The following CDH12 variants were observed in gnomAD, a reference collection of about 807,000 sequenced individuals.
CDH12 encodes cadherin 12, also known as cadherin-12.
CDH12 carries 41 observed loss-of-function variants against 74.1 expected under a neutral mutation model. The ratio of observed to expected loss-of-function variants is 0.55; its 90% CI spans 0.43 to 0.72. The LOEUF (loss-of-function observed/expected upper bound fraction) is 0.72, where lower values mean the gene tolerates loss of function less well. Among genes scored for constraint, CDH12 ranks in the 30% least tolerant of loss-of-function variants. The probability of loss-of-function intolerance (pLI) is 0.00; values close to 1 mark genes in which losing one functional copy is unlikely to be tolerated. For missense variants in CDH12, 945 were observed against 977.2 expected (o/e 0.97, Z 0.44); for synonymous variants, 399 against 355.0 (o/e 1.12, Z -1.39).
intron 1 of CDH12, among the ~76,000 whole-genome samples, chr5:22,531,592 TATAAC>T (rs1283465074): frequency 1.3e-5 from 2 of 152,172 alleles, no homozygotes; most frequent in Non-Finnish European, 1.5e-5. Flanking sequence ...TATTCTAATG[TATAAC>T]ATATTATGCA....
intron 5 of CDH12, among the ~76,000 whole-genome samples, chr5:22,025,231 G>A (rs1239558620): frequency 2.0e-5 from 3 of 151,934 alleles, no homozygotes; most frequent in South Asian, 2.1e-4. Context: ...GGACACAAGG[G>A]AGCTTACTTT....
Position 22,202,169 on chromosome 5 carries a change from C to CCTTCCTTCCTTCCTTCCTTCCTT in CDH12, c.-187+10328_-187+10329insAAGGAAGGAAGGAAGGAAGGAAG, listed in dbSNP as rs1561215450. Among the ~76,000 whole-genome samples the CCTTCCTTCCTTCCTTCCTTCCTT allele has an allele frequency of 3.2e-3, 265 of 82,148 alleles. 31 individuals are homozygous for CCTTCCTTCCTTCCTTCCTTCCTT. The highest frequency in any genetic ancestry group is 6.2e-3 in the Admixed American group (41 of 6,598). The allele number at this position is 82,148 out of a possible 152,430, so 53.9% of individuals were successfully genotyped here. ...TACTTTCCTTCCTTCCTTCCTTCCT[C>CCTTCCTTCCTTCCTTCCTTCCTT]CCTTCCTTCCTTCCTTCCTTCCTTC... On this transcript the variant is annotated intron_variant, in intron 4 of 14. Coordinates refer to ENST00000382254, the MANE Select transcript of CDH12 (RefSeq NM_004061.5).
chr5:21,836,309 G>T (rs1325564563), intron 8 of CDH12, among the ~76,000 whole-genome samples: 1 of 151,592 alleles, frequency 6.6e-6, no homozygotes, highest in East Asian at 1.9e-4. Context: ...CACGTTTGTA[G>T]ATATTTAATC....
chr5:22,359,275 CA>C (rs1447178741), intron 3 of CDH12, among the ~76,000 whole-genome samples: 1 of 152,070 alleles, frequency 6.6e-6, no homozygotes, highest in Non-Finnish European at 1.5e-5. Context: ...GCAGGGGTTG[CA>C]ATCCTAGTCT....
chr5:22,256,021 A>G (rs1395843970), intron 3 of CDH12, among the ~76,000 whole-genome samples: 1 of 152,138 alleles, frequency 6.6e-6, no homozygotes, highest in African/African-American at 2.4e-5. Context: ...TCCAGTCTTC[A>G]AACCATCTTA....
At chr5:22,648,422 A>G (rs1165574473) in intron 1 of CDH12, among the ~76,000 whole-genome samples, 1 of 151,842 alleles carries the variant, frequency 6.6e-6, no homozygotes, top group Non-Finnish European at 1.5e-5. Context: ...TATTGAAGAA[A>G]CTGGACAGAT....
chr5:22,103,524 T>C (rs1580255816), intron 4 of CDH12, among the ~76,000 whole-genome samples: 1 of 152,306 alleles, frequency 6.6e-6, no homozygotes, highest in Admixed American at 6.5e-5. Flanking sequence ...TCCTTTAATT[T>C]CATAAATTGC....
At chr5:22,716,235 TGTGAA>T (rs1479471218) in intron 1 of CDH12, among the ~76,000 whole-genome samples, 3 of 152,086 alleles carry the variant, frequency 2.0e-5, no homozygotes, top group African/African-American at 7.2e-5. Flanking sequence ...ACAGAATCAG[TGTGAA>T]GAGAGGAGCA....
chr5:22,315,366 G>A (rs10941946), intron 3 of CDH12, among the ~76,000 whole-genome samples: 1 of 151,862 alleles, frequency 6.6e-6, no homozygotes, highest in Non-Finnish European at 1.5e-5. Context: ...TAGCTTACTA[G>A]ATTTTGTGAC....
chr5:22,492,051 G>A (rs433999), intron 2 of CDH12, among the ~76,000 whole-genome samples: 143,510 of 152,210 alleles, frequency 0.94, 67,746 homozygotes, highest in Admixed American at 0.97. Context: ...AATGGGAGTT[G>A]GGACGTTAGC....
chr5:22,506,560 A>G (rs939255441), intron 1 of CDH12, among the ~76,000 whole-genome samples: 3 of 152,010 alleles, frequency 2.0e-5, no homozygotes, highest in African/African-American at 7.2e-5. Flanking sequence ...TTAAAAATGC[A>G]TACTATAAAT....
chr5:22,397,986 G>C (rs114015011), intron 3 of CDH12, among the ~76,000 whole-genome samples: 8 of 151,916 alleles, frequency 5.3e-5, no homozygotes, highest in Non-Finnish European at 1.0e-4. Flanking sequence ...CTAGCCTCCA[G>C]GATTTTAATA....
chr5:22,659,226 A>G (rs1740222054), intron 1 of CDH12, among the ~76,000 whole-genome samples: 1 of 152,054 alleles, frequency 6.6e-6, no homozygotes, highest in Admixed American at 6.6e-5. Context: ...GTATTTATAC[A>G]TGGAAAATAA....
intron 6 of CDH12, among the ~76,000 whole-genome samples, chr5:21,857,152 A>G (rs1295779121): frequency 2.0e-5 from 3 of 151,836 alleles, no homozygotes; most frequent in African/African-American, 7.2e-5. Context: ...ATAGCACACC[A>G]GCTGTTCCTG....
intron 4 of CDH12, among the ~76,000 whole-genome samples, chr5:22,204,135 T>G (rs1751074325): frequency 6.6e-6 from 1 of 151,016 alleles, no homozygotes; most frequent in Admixed American, 6.6e-5. Flanking sequence ...AAACATAGAA[T>G]TCACGTGTTT....
chr5:22,036,702 A>G (rs1739213329), intron 5 of CDH12, among the ~76,000 whole-genome samples: 1 of 152,210 alleles, frequency 6.6e-6, no homozygotes. Context: ...AATAGAAAAT[A>G]TTACTAGCTT....
chr5:22,128,345 ATAG>A (rs1007027298), intron 4 of CDH12, among the ~76,000 whole-genome samples: 50 of 152,318 alleles, frequency 3.3e-4, no homozygotes, highest in Admixed American at 1.4e-3. Context: ...GCAAATTTAC[ATAG>A]TAGAGAGAAC....
chr5:21,807,535 A>C lies in CDH12; in HGVS notation c.1003-5115T>G, dbSNP rs772472375. ...AACTAAATGAAATGTTAAGTGCCAA[A>C]AGATTTTCTCATTTCAAAGGGAAAT... On this transcript the variant is annotated intron_variant, in intron 9 of 14. Transcript: ENST00000382254. 2.6e-4 allele frequency among the ~76,000 whole-genome samples: 40 copies of C among 152,282 alleles called. 1 individual carries two copies. The highest frequency in any genetic ancestry group is 5.0e-4 in the Non-Finnish European group (34 of 68,022).
rs115506761 is a variant in CDH12, at chr5:22,054,585, C to T, written c.231+23861G>A. On this transcript the variant is annotated intron_variant, in intron 5 of 14. Transcript: ENST00000382254. ...AAATGACCATTTTGGCAAAGATCTG[C>T]CCATGTCTTAGCTTATATTGACTGT... Among the ~76,000 whole-genome samples the T allele has an allele frequency of 3.7e-3, 570 of 152,060 alleles. 9 individuals carry two copies. Among genetic ancestry groups the T allele is most frequent in the African/African-American group, 0.013 (538 of 41,516 alleles).
Sources: allele counts gnomAD v4.1 joint callset (sites outside exome capture counted in the v4.1 genomes callset), GRCh38; gene constraint gnomAD v4.1.1; transcripts MANE v1.5; gene names NCBI Gene and HGNC (gene_info 2026-07-23, HGNC 2026-07-21).